Variants in PLXNA4 observed in about 807,000 individuals in gnomAD.
The protein encoded by PLXNA4 is plexin A4.
Under a neutral mutation model 191.8 loss-of-function variants are expected in PLXNA4, and 44 were observed. The ratio of observed to expected loss-of-function variants is 0.23; its 90% confidence interval spans 0.18 to 0.29. The LOEUF (loss-of-function observed/expected upper bound fraction) is 0.29. Among genes scored for constraint, PLXNA4 ranks in the 10% least tolerant of loss-of-function variants. The pLI, the probability that PLXNA4 is intolerant of heterozygous loss-of-function variation, is 1.00. For synonymous variants in PLXNA4, 1,082 were observed against 1,009.5 expected (o/e 1.07, Z -1.36); for missense variants, 1,800 against 2,488.8 (o/e 0.72, Z 5.89).
chr7:132,395,109 T>C (rs901551724), intron 3 of PLXNA4, among the ~76,000 whole-genome samples: 2 of 152,214 alleles, frequency 1.3e-5, no homozygotes, highest in East Asian at 1.9e-4. Flanking sequence ...AGGGGAGCCA[T>C]TGGCCAAATA....
At chr7:132,466,349 G>T (rs1421315872) in intron 3 of PLXNA4, among the ~76,000 whole-genome samples, 1 of 152,194 alleles carries the variant, frequency 6.6e-6, no homozygotes, top group Non-Finnish European at 1.5e-5. Context: ...GTCAGGCCCT[G>T]CATTCAAATC....
intron 3 of PLXNA4, among the ~76,000 whole-genome samples, chr7:132,324,024 A>C (rs1481316857): frequency 1.3e-5 from 2 of 152,330 alleles, no homozygotes; most frequent in African/African-American, 2.4e-5. Context: ...CATCAGAGAC[A>C]GGCGAACAAT....
chr7:132,191,792 C>CTCTCTCTCTG (rs1243619291), intron 14 of PLXNA4, among the ~76,000 whole-genome samples: 6 of 151,404 alleles, frequency 4.0e-5, no homozygotes, highest in Admixed American at 1.3e-4. Flanking sequence ...CTCTCTCTCT[C>CTCTCTCTCTG]TCTGTCTCTA....
chr7:132,259,196 C>G (rs571078576), intron 4 of PLXNA4, among the ~76,000 whole-genome samples: 2 of 152,124 alleles, frequency 1.3e-5, no homozygotes, highest in Middle Eastern at 3.4e-3. Flanking sequence ...TGGATGGACC[C>G]TCCATCTACA....
At chr7:132,192,907 G>T (rs951577143) in intron 14 of PLXNA4, among the ~76,000 whole-genome samples, 3 of 152,040 alleles carry the variant, frequency 2.0e-5, no homozygotes, top group African/African-American at 4.8e-5. Flanking sequence ...ACTGGGGAGA[G>T]ATCCTCAGAA....
At chr7:132,432,193 G>T (rs1266976644) in intron 3 of PLXNA4, among the ~76,000 whole-genome samples, 1 of 152,176 alleles carries the variant, frequency 6.6e-6, no homozygotes, top group Non-Finnish European at 1.5e-5. Context: ...ACCAGAACTG[G>T]TGACGGACGA....
intron 3 of PLXNA4, among the ~76,000 whole-genome samples, chr7:132,309,427 C>A (rs1584973765): frequency 1.3e-5 from 2 of 152,198 alleles, no homozygotes; most frequent in East Asian, 1.9e-4. Flanking sequence ...AGGCCAGAAC[C>A]AGGACCGTCA....
At chr7:132,180,565 A>G in intron 19 of PLXNA4, 21 bp downstream of exon 19, 1 of 1,614,032 alleles carries the variant, frequency 6.2e-7, no homozygotes, top group African/African-American at 1.3e-5. Flanking sequence ...TCCATCCAGG[A>G]TGGGGTTCTG....
chr7:132,435,800 C>T (rs548803923), intron 3 of PLXNA4, among the ~76,000 whole-genome samples: 1 of 152,264 alleles, frequency 6.6e-6, no homozygotes, highest in South Asian at 2.1e-4. Flanking sequence ...CATTGGAGTA[C>T]CCGCTTCCTC....
Position 132,533,968 on chromosome 7 carries a change from T to A in PLXNA4, c.-86-25189A>T, listed in dbSNP as rs186725277. On this transcript the variant is annotated intron_variant, in intron 1 of 31. Transcript: ENST00000321063. Reference sequence around the variant, plus strand: ...TTATTACTATTATTATGTTAACAAGTCACCAGGCAACAAAGGCAATGAGAT... The same window carrying A: ...TTATTACTATTATTATGTTAACAAGACACCAGGCAACAAAGGCAATGAGAT... Among the ~76,000 whole-genome samples the A allele has an allele frequency of 1.6e-4, 25 of 151,870 alleles. No homozygotes were observed. The East Asian group carries it at 4.7e-3, about 28-fold the overall frequency.
At chr7:132,564,052 C>CTG (rs147358337) in intron 1 of PLXNA4, among the ~76,000 whole-genome samples, 1 of 56,492 alleles carries the variant, frequency 1.8e-5, no homozygotes, top group South Asian at 1.1e-3. Context: ...TTTCCTCCCC[C>CTG]TCTTTCTCCT....
At chr7:132,426,409 G>A (rs1439384017) in intron 3 of PLXNA4, among the ~76,000 whole-genome samples, 3 of 152,224 alleles carry the variant, frequency 2.0e-5, no homozygotes, top group Non-Finnish European at 4.4e-5. Flanking sequence ...GAGGCACACA[G>A]TGTGACCAGC....
chr7:132,383,944 T>C, intron 3 of PLXNA4: 21 of 985,488 alleles, frequency 2.1e-5, no homozygotes, highest in Non-Finnish European at 2.5e-5. Context: ...CTGTTTATAA[T>C]GCTTTTCAAC....
chr7:132,355,036 C>T (rs1270555006), intron 3 of PLXNA4, among the ~76,000 whole-genome samples: 1 of 152,316 alleles, frequency 6.6e-6, no homozygotes, highest in East Asian at 1.9e-4. Context: ...GGACCAAGAG[C>T]CCCCACTTTG....
chr7:132,175,087 T>C (rs780736794), intron 20 of PLXNA4, among the ~76,000 whole-genome samples, 167 bp from the exon 21 acceptor site: 1 of 152,174 alleles, frequency 6.6e-6, no homozygotes, highest in African/African-American at 2.4e-5. Flanking sequence ...GGGATTGGGA[T>C]GAATGAATGG....
rs201091759 is a variant in PLXNA4, at chr7:132,303,248, ATTTTTTT to A, written c.1372-5033_1372-5027del. On this transcript the variant is annotated intron_variant, in intron 3 of 31. Transcript: ENST00000321063. ...TGAGAAAGGATGAAAACAGAAGTTG[ATTTTTTT>A]TTTTTTTTTTTTGGTAGAAAATGTA... 1.4e-4 allele frequency among the ~76,000 whole-genome samples: 18 copies of A among 129,792 alleles called. 1 individual carries two copies. Among genetic ancestry groups the A allele is most frequent in the African/African-American group, 5.1e-4 (18 of 35,626 alleles). The allele number at this position is 129,792 out of a possible 152,430, so 85.1% of individuals were successfully genotyped here. A position where few individuals can be genotyped will look rare whatever the true frequency, so the allele number is the denominator to read the frequency against.
intron 1 of PLXNA4, among the ~76,000 whole-genome samples, chr7:132,549,478 T>TA (rs1048365977): frequency 6.6e-6 from 1 of 152,034 alleles, no homozygotes; most frequent in Non-Finnish European, 1.5e-5. Context: ...CTAGGGAACT[T>TA]AAAAAAAATC....
chr7:132,255,925 A>G (rs556501138), intron 4 of PLXNA4, among the ~76,000 whole-genome samples: 1 of 152,340 alleles, frequency 6.6e-6, no homozygotes, highest in Non-Finnish European at 1.5e-5. Context: ...ACTTCCAACT[A>G]TCTGATGAAA....
chr7:132,608,389 G>T (rs370711159), intron 2 of PLXNA4, among the ~76,000 whole-genome samples: 3 of 152,110 alleles, frequency 2.0e-5, no homozygotes, highest in African/African-American at 7.2e-5. Context: ...TGTTGGGACC[G>T]TACTCTGTAT....
Sources: gnomAD v4.1 joint callset for allele counts (sites outside exome capture counted in the v4.1 genomes callset) on GRCh38, gnomAD v4.1.1 for gene constraint, MANE v1.5 for transcripts, NCBI Gene and HGNC (gene_info 2026-07-23, HGNC 2026-07-21) for gene names.